FHOD3: variants seen among roughly 807,000 people sequenced by gnomAD.
The protein encoded by FHOD3 is FH1/FH2 domain-containing protein 3.
A neutral mutation model predicts 173.0 loss-of-function variants in FHOD3; 90 were observed. That is an observed-to-expected ratio of 0.52 (90% CI 0.44 to 0.62). The LOEUF is 0.62. FHOD3 is among the 20% of genes least tolerant of loss of function. The pLI, the probability that FHOD3 is intolerant of heterozygous loss-of-function variation, is 0.00. For synonymous variants in FHOD3, 828 were observed against 823.0 expected, an observed-to-expected ratio of 1.01 and a Z score of -0.10; for missense variants, 1,945 against 2,034.7, an observed-to-expected ratio of 0.96 and a Z score of 0.85.
intron 28 of FHOD3, chr18:36,777,529 T>G (rs2043765664): frequency 6.6e-6 from 1 of 152,184 alleles, no homozygotes; most frequent in South Asian, 2.1e-4. Flanking sequence ...TGTATCTTGG[T>G]TAAGAAGTTG....
rs1188775806 is a variant in FHOD3 at position 36,709,270 on chromosome 18, A to G, written c.2412A>G (p.Lys804=). 2 of 1,614,130 alleles carry G rather than the reference A, an allele frequency of 1.2e-6. No homozygotes were observed. The highest frequency in any genetic ancestry group is 2.7e-5 in the African/African-American group (2 of 74,942). ...EPEERASLSE[K]ERQNEGVNER... The stretch of plus-strand genomic sequence containing the variant: ...AAGAAAGAGCCTCCCTCAGTGAAAA[A>G]GAGAGGCAGAACGAGGGGGTGAACG... Residue 804 remains lysine, a synonymous_variant, in exon 18 of 29, where the codon AAA becomes AAG. Transcript: ENST00000590592.
intron 28 of FHOD3, among the ~76,000 whole-genome samples, chr18:36,774,459 C>T (rs2043537193): frequency 6.6e-6 from 1 of 152,168 alleles, no homozygotes; most frequent in Non-Finnish European, 1.5e-5. Context: ...TTTCCTGCAT[C>T]TCAGATGACA....
At chr18:36,731,907 A>T (rs1172924028) in intron 20 of FHOD3, among the ~76,000 whole-genome samples, 1 of 152,240 alleles carries the variant, frequency 6.6e-6, no homozygotes, top group African/African-American at 2.4e-5. Flanking sequence ...AACTGCATTG[A>T]ATAGTGGACC....
chr18:36,608,460 C>T (rs1287986537), intron 8 of FHOD3, among the ~76,000 whole-genome samples: 3 of 152,154 alleles, frequency 2.0e-5, no homozygotes, highest in South Asian at 2.1e-4. Context: ...TTCTCCCTTC[C>T]GACACTGCTG....
chr18:36,700,813 C>T (rs1247962256), intron 17 of FHOD3, among the ~76,000 whole-genome samples: 2 of 152,216 alleles, frequency 1.3e-5, no homozygotes, highest in African/African-American at 4.8e-5. Flanking sequence ...TGTTATGCTC[C>T]ATCCACACCA....
intron 19 of FHOD3, among the ~76,000 whole-genome samples, chr18:36,727,274 C>T (rs1242063413): frequency 6.6e-6 from 1 of 152,048 alleles, no homozygotes; most frequent in African/African-American, 2.4e-5. Context: ...ACTGCCAATC[C>T]TTAGACATGG....
chr18:36,632,872 G>A (rs2034615967), intron 10 of FHOD3, among the ~76,000 whole-genome samples: 3 of 152,294 alleles, frequency 2.0e-5, no homozygotes, highest in South Asian at 4.1e-4. Flanking sequence ...GAGCAGGAGT[G>A]AGAGTTTATT....
At chr18:36,326,976 C>T (rs571657570) in intron 1 of FHOD3, among the ~76,000 whole-genome samples, 13 of 152,270 alleles carry the variant, frequency 8.5e-5, no homozygotes, top group African/African-American at 2.2e-4. Flanking sequence ...AGAGTTTTGC[C>T]CTTGCTGGGA....
Position 36,504,767 on chromosome 18 carries a change from A to AATAC in FHOD3, c.405+2772_405+2775dup, listed in dbSNP as rs1390926531. ...AATAATAAAAGTAAATAAATAAATA[A>AATAC]ATACATAAATAAATAAAAAGTATCC... is the stretch of plus-strand genomic sequence containing the variant. On this transcript the variant is annotated intron_variant, in intron 4 of 28. Coordinates refer to ENST00000590592, the MANE Select transcript of FHOD3 (RefSeq NM_001281740.3). Among the ~76,000 whole-genome samples the AATAC allele has an allele frequency of 4.6e-5, 7 of 152,054 alleles. No homozygotes were observed. In the East Asian group the frequency reaches 1.4e-3, roughly 29 times the overall value.
At chr18:36,312,666 A>C (rs1215973771) in intron 1 of FHOD3, among the ~76,000 whole-genome samples, 3 of 152,142 alleles carry the variant, frequency 2.0e-5, no homozygotes, top group Non-Finnish European at 4.4e-5. Context: ...CCTCTGGTCC[A>C]TGTGTCATCC....
At chr18:36,728,668 A>C (rs2041197050) in intron 19 of FHOD3, among the ~76,000 whole-genome samples, 1 of 152,140 alleles carries the variant, frequency 6.6e-6, no homozygotes, top group South Asian at 2.1e-4. Flanking sequence ...GAAATTTAGC[A>C]ACTAAGTCTG....
intron 11 of FHOD3, 72 bp from the exon 12 acceptor site, chr18:36,652,496 CTT>C: frequency 6.9e-7 from 1 of 1,451,762 alleles, no homozygotes; most frequent in South Asian, 1.4e-5. Flanking sequence ...GCCTGTCTCT[CTT>C]TTTCCTAACC....
chr18:36,314,410 G>T (rs2044019720), intron 1 of FHOD3, among the ~76,000 whole-genome samples: 1 of 152,210 alleles, frequency 6.6e-6, no homozygotes, highest in Admixed American at 6.5e-5. Flanking sequence ...TGGCACTAGA[G>T]AAATTAGAGT....
At chr18:36,401,167 A>G (rs140527211) in intron 3 of FHOD3, among the ~76,000 whole-genome samples, 166 of 152,256 alleles carry the variant, frequency 1.1e-3, no homozygotes, top group African/African-American at 3.9e-3. Flanking sequence ...TCACCAAAGC[A>G]CTGGTATCAA....
At chr18:36,384,273 G>A (rs531968366) in intron 3 of FHOD3, among the ~76,000 whole-genome samples, 1 of 152,130 alleles carries the variant, frequency 6.6e-6, no homozygotes, top group East Asian at 1.9e-4. Context: ...CTAGCTACTT[G>A]GGAGGCTGAG....
At chr18:36,612,302 T>A (rs1349524600) in intron 9 of FHOD3, among the ~76,000 whole-genome samples, 1 of 152,212 alleles carries the variant, frequency 6.6e-6, no homozygotes, top group Non-Finnish European at 1.5e-5. Context: ...CAGGAGAGTC[T>A]GATGCATATT....
intron 1 of FHOD3, among the ~76,000 whole-genome samples, chr18:36,309,871 G>A (rs577975763): frequency 1.6e-4 from 24 of 152,340 alleles, no homozygotes; most frequent in Admixed American, 1.1e-3. Context: ...CTAGGCACTG[G>A]GACATAGGTT....
chr18:36,764,587 T>G (rs1372443794), intron 27 of FHOD3, among the ~76,000 whole-genome samples: 3 of 151,970 alleles, frequency 2.0e-5, no homozygotes, highest in Admixed American at 1.3e-4. Context: ...ATCTCAGTAA[T>G]AGAACATAAA....
chr18:36,511,357 G>GTTTT (rs760692797), intron 4 of FHOD3, among the ~76,000 whole-genome samples: 12 of 143,602 alleles, frequency 8.4e-5, no homozygotes, highest in Non-Finnish European at 9.1e-5. Flanking sequence ...TCTTGCCAAT[G>GTTTT]TTTTTTTTTT....
Sources: allele counts gnomAD v4.1 joint callset (sites outside exome capture counted in the v4.1 genomes callset), GRCh38; gene constraint gnomAD v4.1.1; transcripts MANE v1.5; gene names NCBI Gene and HGNC (gene_info 2026-07-23, HGNC 2026-07-21).